VEZT: variants seen among roughly 807,000 people sequenced by gnomAD.
The protein encoded by VEZT is vezatin.
Under a neutral mutation model 79.9 loss-of-function variants are expected in VEZT, and 39 were observed. The ratio of observed to expected loss-of-function variants is 0.49; its 90% CI spans 0.38 to 0.64. The LOEUF is 0.64. Among genes scored for constraint, VEZT ranks in the 30% least tolerant of loss-of-function variants. The probability of loss-of-function intolerance (pLI) is 0.00; values close to 1 mark genes in which losing one functional copy is unlikely to be tolerated. For synonymous variants in VEZT, 325 were observed against 327.6 expected (o/e 0.99, Z 0.09); for missense variants, 837 against 893.1 (o/e 0.94, Z 0.80).
intron 7 of VEZT, 116 bp downstream of exon 7, chr12:95,275,005 C>T: frequency 8.1e-7 from 1 of 1,240,984 alleles, no homozygotes; most frequent in Non-Finnish European, 1.1e-6. Context: ...TGCATACCAT[C>T]ATCATAAATG....
intron 1 of VEZT, among the ~76,000 whole-genome samples, chr12:95,246,109 C>T (rs972459621): frequency 6.6e-6 from 1 of 152,012 alleles, no homozygotes; most frequent in Non-Finnish European, 1.5e-5. Flanking sequence ...GATCTGATAT[C>T]TTTTCTTTTT....
At position 95,300,583 on chromosome 12, in the gene VEZT, C is replaced by T; in HGVS notation, c.2250C>T (p.Leu750=). 6.2e-7 allele frequency: 1 copy of T among 1,613,882 alleles called. No individual in the cohort carries two copies. The highest frequency in any genetic ancestry group is 8.5e-7 in the Non-Finnish European group (1 of 1,179,878). ...GLAAEVAARS[L]SFTTMQEQTF... The stretch of plus-strand genomic sequence containing the variant: ...CTGCAGAAGTGGCTGCTAGATCTCT[C>T]TCCTTTACCACCATGCAGGAACAGA... Residue 750 remains leucine (L), a synonymous_variant, in exon 12 of 12, where the codon CTC becomes CTT. Coordinates refer to ENST00000436874, the MANE Select transcript of VEZT (RefSeq NM_017599.4).
chr12:95,282,770 GT>G, intron 8 of VEZT, 126 bp downstream of exon 8: 1 of 648,354 alleles, frequency 1.5e-6, no homozygotes, highest in Non-Finnish European at 2.5e-6. Context: ...AGCATGAAGG[GT>G]GATTTATAGC....
intron 3 of VEZT, among the ~76,000 whole-genome samples, 155 bp downstream of exon 3, chr12:95,257,394 G>A (rs1329820513): frequency 1.3e-5 from 2 of 152,078 alleles, no homozygotes; most frequent in Non-Finnish European, 2.9e-5. Context: ...GGGCTTACTG[G>A]TATTGTTTAT....
chr12:95,246,830 AC>A (rs1191670195), intron 1 of VEZT, among the ~76,000 whole-genome samples: 1 of 152,226 alleles, frequency 6.6e-6, no homozygotes, highest in Non-Finnish European at 1.5e-5. Flanking sequence ...CTTCAAAAAA[AC>A]AACTTAAATA....
intron 7 of VEZT, among the ~76,000 whole-genome samples, chr12:95,277,285 C>T (rs1443369665): frequency 1.3e-5 from 2 of 152,180 alleles, no homozygotes; most frequent in African/African-American, 2.4e-5. Flanking sequence ...TGGAACACTG[C>T]CTGAAAGTTC....
intron 9 of VEZT, among the ~76,000 whole-genome samples, chr12:95,288,686 T>C (rs76374932): frequency 0.084 from 12,848 of 152,262 alleles, 582 homozygotes; most frequent in Middle Eastern, 0.12. Flanking sequence ...ATAGGAAAAG[T>C]ATTCACTTTT....
At chr12:95,268,026 G>A (rs977705838) in intron 5 of VEZT, among the ~76,000 whole-genome samples, 2 of 151,796 alleles carry the variant, frequency 1.3e-5, no homozygotes, top group African/African-American at 4.8e-5. Flanking sequence ...AACAGATTCT[G>A]TCTAGGTTGG....
intron 8 of VEZT, 106 bp from the exon 9 acceptor site, chr12:95,287,558 C>A: frequency 9.0e-7 from 1 of 1,116,742 alleles, no homozygotes; most frequent in Non-Finnish European, 1.2e-6. Flanking sequence ...CTGCCTTGGC[C>A]TCCCAAAGTG....
chr12:95,275,502 G>A (rs984141079), intron 7 of VEZT, among the ~76,000 whole-genome samples: 4 of 151,856 alleles, frequency 2.6e-5, no homozygotes, highest in South Asian at 2.1e-4. Flanking sequence ...AGGAGAACCC[G>A]GAAGGCAGAG....
rs535691109 is a variant in VEZT at position 95,300,883 on chromosome 12, C to T, written c.*210C>T. ...TAGGAAAATAAGAGAAAGGTAAGGG[C>T]TCTTTTGAATAAACTGCTGTTTTAT... On this transcript the variant is annotated 3_prime_UTR_variant, in exon 12 of 12. Coordinates refer to ENST00000436874, the MANE Select transcript of VEZT (RefSeq NM_017599.4). 3 of 472,718 alleles carry T rather than the reference C, an allele frequency of 6.3e-6. No individual in the cohort carries two copies. The highest frequency in any genetic ancestry group is 2.0e-5 in the African/African-American group (1 of 49,922). 29.3% of individuals were successfully genotyped at this position (472,718 alleles called of 1,614,324 possible).
Position 95,266,434 on chromosome 12 carries a change from T to C in VEZT, c.512T>C (p.Val171Ala), listed in dbSNP as rs1172148514. Residue 171 changes from valine to alanine, a missense_variant, in exon 5 of 12, where the codon GTA becomes GCA. Transcript: ENST00000436874. The part of the protein sequence containing the change: ...PTWWIVSSWL[V>A]WGVILFVYLV... ...TGGTGGATTGTGTCTTCCTGGCTGG[T>C]ATGGGGAGTGATTCTATTTGTGTAT... 1.1e-5 allele frequency: 18 copies of C among 1,613,818 alleles called. No homozygotes were observed. Among genetic ancestry groups the C allele is most frequent in the Non-Finnish European group, 1.4e-5 (17 of 1,179,888 alleles).
chr12:95,248,581 T>TA (rs1470110888), intron 1 of VEZT, among the ~76,000 whole-genome samples: 2 of 152,088 alleles, frequency 1.3e-5, no homozygotes, highest in Middle Eastern at 3.2e-3. Context: ...ATCTGTACAG[T>TA]AAAAAAGGGC....
At chr12:95,287,979 C>T in intron 9 of VEZT, 122 bp downstream of exon 9, 1 of 823,672 alleles carries the variant, frequency 1.2e-6, no homozygotes, top group Non-Finnish European at 1.8e-6. Context: ...TCTTAGTTTA[C>T]TTTTTTTTAA....
intron 1 of VEZT, among the ~76,000 whole-genome samples, chr12:95,236,228 C>T (rs1190258901): frequency 1.3e-5 from 2 of 151,974 alleles, no homozygotes; most frequent in African/African-American, 4.8e-5. Flanking sequence ...GGAGACCAGC[C>T]CGGCCAACAC....
At chr12:95,219,399 A>G (rs57181366) in intron 1 of VEZT, among the ~76,000 whole-genome samples, 2,433 of 152,206 alleles carry the variant, frequency 0.016, 63 homozygotes, top group African/African-American at 0.056. Context: ...ATGTGTGTTT[A>G]TGTGTGTGTA....
chr12:95,291,137 G>A (rs1411164791), intron 9 of VEZT, among the ~76,000 whole-genome samples: 1 of 152,084 alleles, frequency 6.6e-6, no homozygotes, highest in Non-Finnish European at 1.5e-5. Context: ...AGGCTGAGGT[G>A]GAAAGATTGT....
chr12:95,250,060 CTT>C (rs5800196), intron 1 of VEZT, among the ~76,000 whole-genome samples: 1 of 143,086 alleles, frequency 7.0e-6, no homozygotes, highest in African/African-American at 2.6e-5. Flanking sequence ...TAATTATAGT[CTT>C]TTTTTTTTAA....
intron 1 of VEZT, among the ~76,000 whole-genome samples, chr12:95,224,006 T>C (rs537710939): frequency 6.6e-6 from 1 of 152,346 alleles, no homozygotes; most frequent in Admixed American, 6.5e-5. Context: ...GTAGTTTGTC[T>C]CATGGTTGTA....
Sources: gnomAD v4.1 joint callset for allele counts (sites outside exome capture counted in the v4.1 genomes callset) on GRCh38, gnomAD v4.1.1 for gene constraint, MANE v1.5 for transcripts, NCBI Gene and HGNC (gene_info 2026-07-23, HGNC 2026-07-21) for gene names.